Variants in DACH2 observed in about 807,000 individuals in gnomAD.
The protein encoded by DACH2 is dachshund family transcription factor 2.
In DACH2, 17 loss-of-function variants were observed where a neutral mutation model predicts 35.8. The ratio of observed to expected loss-of-function variants is 0.48; its 90% CI spans 0.33 to 0.71. DACH2 has a LOEUF of 0.71. DACH2 is among the 30% of genes least tolerant of loss of function. The pLI is 0.02. For missense variants in DACH2, 469 were observed against 472.7 expected (o/e 0.99, Z 0.07); for synonymous variants, 195 against 177.3 (o/e 1.10, Z -0.79).
chrX:86,707,339 T>A (rs988005383), intron 5 of DACH2, among the ~76,000 whole-genome samples: 1 of 111,557 alleles, frequency 9.0e-6, no homozygotes, highest in Non-Finnish European at 1.9e-5. Context: ...AATCTATAAT[T>A]AAAACCCTTC....
At chrX:86,286,115 G>GTTTTTTTTT (rs753864299) in intron 1 of DACH2, among the ~76,000 whole-genome samples, 13 of 45,771 alleles carry the variant, frequency 2.8e-4, no homozygotes, top group African/African-American at 9.2e-4. Flanking sequence ...CAGCCAGTCT[G>GTTTTTTTTT]TTTTTTTTTT....
At chrX:86,520,068 G>A (rs769007277) in intron 3 of DACH2, among the ~76,000 whole-genome samples, 31 of 111,206 alleles carry the variant, frequency 2.8e-4, no homozygotes, top group African/African-American at 4.6e-4. Flanking sequence ...TCTTAATACC[G>A]CCTTAGCTTT....
At chrX:86,242,416 C>A (rs2033185812) in intron 1 of DACH2, among the ~76,000 whole-genome samples, 2 of 112,105 alleles carry the variant, frequency 1.8e-5, no homozygotes, top group Non-Finnish European at 3.8e-5. Context: ...TGGCCAATTT[C>A]TCCGTTTTGG....
At chrX:86,750,777 T>G (rs2041764661) in intron 7 of DACH2, among the ~76,000 whole-genome samples, 1 of 112,012 alleles carries the variant, frequency 8.9e-6, no homozygotes, top group African/African-American at 3.2e-5. Context: ...ACTTCTGTCT[T>G]TTTTAAGGCT....
At chrX:86,257,232 G>A (rs754978430) in intron 1 of DACH2, among the ~76,000 whole-genome samples, 2 of 111,277 alleles carry the variant, frequency 1.8e-5, no homozygotes, top group South Asian at 7.6e-4. Flanking sequence ...TTTTGTCATC[G>A]TATTTAACAT....
chrX:86,399,741 G>A (rs2036383635), intron 2 of DACH2, among the ~76,000 whole-genome samples: 1 of 112,142 alleles, frequency 8.9e-6, no homozygotes, highest in Non-Finnish European at 1.9e-5. Flanking sequence ...AGTTTCTGCT[G>A]AGAGATCAGC....
chrX:86,782,432 T>C (rs759182086), intron 7 of DACH2, among the ~76,000 whole-genome samples: 1 of 111,559 alleles, frequency 9.0e-6, no homozygotes, highest in Non-Finnish European at 1.9e-5. Context: ...CAATTAAGTT[T>C]GTAAGAACTT....
intron 3 of DACH2, among the ~76,000 whole-genome samples, chrX:86,624,243 A>T (rs1401908773): frequency 9.0e-6 from 1 of 111,260 alleles, no homozygotes; most frequent in African/African-American, 3.3e-5. Flanking sequence ...AGTGTACTTT[A>T]TCTATACATT....
intron 1 of DACH2, among the ~76,000 whole-genome samples, chrX:86,319,514 G>A (rs188275804): frequency 3.6e-5 from 4 of 111,500 alleles, no homozygotes; most frequent in Non-Finnish European, 7.5e-5. Context: ...AGCATAGTTA[G>A]GGTCATGGTT....
At chrX:86,679,796 T>C (rs1216044162) in intron 4 of DACH2, among the ~76,000 whole-genome samples, 1 of 110,869 alleles carries the variant, frequency 9.0e-6, no homozygotes, top group Non-Finnish European at 1.9e-5. Context: ...GCCGAGCCTG[T>C]GTGGTGTGCT....
intron 4 of DACH2, among the ~76,000 whole-genome samples, chrX:86,663,205 C>T (rs896289716): frequency 4.5e-5 from 5 of 111,378 alleles, no homozygotes; most frequent in Non-Finnish European, 7.5e-5. Flanking sequence ...ATTCATTTCT[C>T]TGCTGTATGA....
intron 1 of DACH2, among the ~76,000 whole-genome samples, chrX:86,314,198 T>A (rs182960018): frequency 0.013 from 1,398 of 110,743 alleles, 11 homozygotes; most frequent in Non-Finnish European, 0.021. Context: ...AAAGGAAGAA[T>A]CACACGTCTC....
chrX:86,629,630 C>T (rs1285335840), intron 3 of DACH2, among the ~76,000 whole-genome samples: 4 of 110,418 alleles, frequency 3.6e-5, no homozygotes, highest in African/African-American at 1.3e-4. Context: ...TGCCTCTAAT[C>T]TTAGCACTTT....
intron 1 of DACH2, among the ~76,000 whole-genome samples, chrX:86,308,731 T>C (rs1024974594): frequency 1.8e-4 from 20 of 111,578 alleles, no homozygotes; most frequent in African/African-American, 6.5e-4. Context: ...AGGGTAACTG[T>C]GCACTGGGGA....
chrX:86,424,814 G>T (rs189819554), intron 2 of DACH2, among the ~76,000 whole-genome samples: 9 of 111,197 alleles, frequency 8.1e-5, no homozygotes, highest in African/African-American at 2.9e-4. Flanking sequence ...CTTGCTGTAG[G>T]TCTGCTTATA....
chrX:86,698,483 A>AT (rs1226527840), intron 5 of DACH2, among the ~76,000 whole-genome samples: 1 of 88,400 alleles, frequency 1.1e-5, no homozygotes, highest in Non-Finnish European at 2.3e-5. Flanking sequence ...AGATAAATTA[A>AT]TTTTTTTAAT....
rs771393480 is a variant in DACH2 at position 86,699,357 on chromosome X, A to C, written c.931+4178A>C. Among the ~76,000 whole-genome samples the C allele has an allele frequency of 8.9e-5, 10 of 112,461 alleles. No homozygotes were observed. The South Asian group carries it at 3.7e-3, about 42-fold the overall frequency. On this transcript the variant is annotated intron_variant, in intron 5 of 11. Transcript: ENST00000373125. ...ATACCCAAGGCTGGGCAATTTACAAAAGAAAGAGATTTACTGGACTTACAC... is the reference window on the plus strand; with the variant it reads ...ATACCCAAGGCTGGGCAATTTACAACAGAAAGAGATTTACTGGACTTACAC...
At chrX:86,292,978 C>A (rs1456482013) in intron 1 of DACH2, among the ~76,000 whole-genome samples, 1 of 100,280 alleles carries the variant, frequency 1.0e-5, no homozygotes, top group African/African-American at 3.8e-5. Flanking sequence ...TCCTGGGTAT[C>A]CTTGTTGACT....
intron 3 of DACH2, among the ~76,000 whole-genome samples, chrX:86,610,363 C>CTCCTTCTTTCTTTCTTTCTT (rs2039916875): frequency 1.0e-4 from 7 of 70,084 alleles, no homozygotes; most frequent in Admixed American, 5.8e-4. Flanking sequence ...TCCTTCCTTC[C>CTCCTTCTTTCTTTCTTTCTT]TCTTTCTTTC....
Sources: gnomAD v4.1 joint callset for allele counts (sites outside exome capture counted in the v4.1 genomes callset) on GRCh38, gnomAD v4.1.1 for gene constraint, MANE v1.5 for transcripts, NCBI Gene and HGNC (gene_info 2026-07-23, HGNC 2026-07-21) for gene names.